The following CSMD1 variants were observed in gnomAD, a reference collection of about 807,000 sequenced individuals.
The protein encoded by CSMD1 is CUB and Sushi multiple domains 1, also known as CUB and sushi domain-containing protein 1.
A neutral mutation model predicts 417.5 loss-of-function variants in CSMD1; 213 were observed. The ratio of observed to expected loss-of-function variants is 0.51; its 90% CI spans 0.46 to 0.57. The LOEUF is 0.57. Among genes scored for constraint, CSMD1 ranks in the 20% least tolerant of loss-of-function variants. The pLI, the probability that CSMD1 is intolerant of heterozygous loss-of-function variation, is 0.00. For synonymous variants in CSMD1, 2,862 were observed against 1,736.8 expected (o/e 1.65, Z -16.11); for missense variants, 6,923 against 4,529.7 (o/e 1.53, Z -15.17).
chr8:4,724,095 C>A (rs935875311), intron 1 of CSMD1, among the ~76,000 whole-genome samples: 3 of 152,112 alleles, frequency 2.0e-5, no homozygotes, highest in Admixed American at 1.3e-4. Context: ...TTAAGTGAGC[C>A]ATTGCAATTT....
intron 37 of CSMD1, among the ~76,000 whole-genome samples, chr8:3,169,609 T>C (rs907295704): frequency 6.6e-6 from 1 of 152,216 alleles, no homozygotes; most frequent in African/African-American, 2.4e-5. Flanking sequence ...GTGCATATAC[T>C]TAATACCACT....
At chr8:3,204,116 G>A (rs1485846265) in intron 31 of CSMD1, among the ~76,000 whole-genome samples, 1 of 152,178 alleles carries the variant, frequency 6.6e-6, no homozygotes. Flanking sequence ...AAGATTCGCT[G>A]TAACTACGTT....
At chr8:4,813,756 T>C (rs1234194208) in intron 1 of CSMD1, among the ~76,000 whole-genome samples, 1 of 152,154 alleles carries the variant, frequency 6.6e-6, no homozygotes, top group Non-Finnish European at 1.5e-5. Flanking sequence ...TTTAAGAAAA[T>C]GCATTTTGGA....
chr8:2,959,111 T>C (rs1456311496), intron 62 of CSMD1, among the ~76,000 whole-genome samples: 3 of 152,186 alleles, frequency 2.0e-5, no homozygotes, highest in African/African-American at 7.2e-5. Context: ...GACTGATCGA[T>C]TTAAACTTTA....
intron 6 of CSMD1, among the ~76,000 whole-genome samples, chr8:3,710,506 A>G (rs954156447): frequency 6.6e-6 from 1 of 152,174 alleles, no homozygotes; most frequent in Non-Finnish European, 1.5e-5. Flanking sequence ...AATCACTGAC[A>G]TTCAGAGGGC....
At chr8:4,441,097 T>TTTTTTTTTTTTTTTTTTTG (rs1798447606) in intron 2 of CSMD1, among the ~76,000 whole-genome samples, 1 of 91,746 alleles carries the variant, frequency 1.1e-5, no homozygotes, top group Non-Finnish European at 2.2e-5. Context: ...ATCAAAAGGT[T>TTTTTTTTTTTTTTTTTTTG]TTTTTTTTTT....
At chr8:3,485,469 C>G (rs77415088) in intron 11 of CSMD1, among the ~76,000 whole-genome samples, 3,248 of 151,056 alleles carry the variant, frequency 0.022, 230 homozygotes, top group East Asian at 0.17. Flanking sequence ...CCTGTCTTGA[C>G]TGTGGCGGAT....
intron 5 of CSMD1, among the ~76,000 whole-genome samples, chr8:3,888,319 C>CAAG (rs1372935253): frequency 1.1e-4 from 17 of 152,270 alleles, no homozygotes; most frequent in African/African-American, 3.8e-4. Context: ...TCAAGGCAAG[C>CAAG]ATTTGTATCC....
At chr8:3,889,980 C>T (rs553010290) in intron 5 of CSMD1, among the ~76,000 whole-genome samples, 50 of 152,042 alleles carry the variant, frequency 3.3e-4, no homozygotes, top group Admixed American at 8.5e-4. Flanking sequence ...CCCAGGAGCT[C>T]GAGACAACCC....
chr8:4,331,623 T>C (rs972969750), intron 3 of CSMD1, among the ~76,000 whole-genome samples: 3 of 152,080 alleles, frequency 2.0e-5, no homozygotes, highest in Non-Finnish European at 2.9e-5. Flanking sequence ...CTTTCTTCTG[T>C]CATGAAAGCC....
chr8:3,848,725 G>T (rs1169498875), intron 5 of CSMD1, among the ~76,000 whole-genome samples: 2 of 152,096 alleles, frequency 1.3e-5, no homozygotes, highest in Admixed American at 1.3e-4. Context: ...AAATGCAATG[G>T]TCTTTTAGGT....
chr8:3,542,371 TTTTA>T (rs1442201135), intron 10 of CSMD1, among the ~76,000 whole-genome samples: 1 of 152,246 alleles, frequency 6.6e-6, no homozygotes, highest in Non-Finnish European at 1.5e-5. Context: ...TAATTAGTTA[TTTTA>T]TTTTACAAAT....
chr8:3,243,402 G>C (rs1421338834), intron 26 of CSMD1, among the ~76,000 whole-genome samples: 1 of 151,682 alleles, frequency 6.6e-6, no homozygotes, highest in Non-Finnish European at 1.5e-5. Flanking sequence ...GTGCAGGTGG[G>C]CTGAGTCCGA....
intron 9 of CSMD1, among the ~76,000 whole-genome samples, chr8:3,585,020 G>T (rs1584923448): frequency 6.6e-6 from 1 of 152,140 alleles, no homozygotes; most frequent in African/African-American, 2.4e-5. Context: ...TCTCCTGAAG[G>T]GTCTCCATTT....
At chr8:4,788,645 G>A (rs773638885) in intron 1 of CSMD1, 2 of 700,724 alleles carry the variant, frequency 2.9e-6, no homozygotes, top group South Asian at 2.4e-5. Flanking sequence ...TTTAGCTGAA[G>A]GAAAATCAAG....
intron 2 of CSMD1, among the ~76,000 whole-genome samples, chr8:4,537,811 C>G (rs1797175258): frequency 6.6e-6 from 1 of 152,160 alleles, no homozygotes; most frequent in African/African-American, 2.4e-5. Context: ...CCGTGTTTAT[C>G]CAACAGAGCT....
rs1434318418 is a variant in CSMD1, at chr8:4,414,565, A to G, written c.415+5388T>C. Among the ~76,000 whole-genome samples, 5 of 152,340 alleles carry G rather than the reference A, an allele frequency of 3.3e-5. No individual in the cohort carries two copies. The East Asian group carries it at 9.6e-4, about 29-fold the overall frequency. On this transcript the variant is annotated intron_variant, in intron 3 of 69. Transcript: ENST00000635120. ...TAAACTACGATCCATACTATAGATC[A>G]TATAATCTCTTTATCTTTAAATCAA...
Position 3,395,467 on chromosome 8 carries a change from A to C in CSMD1, c.2593+727T>G, listed in dbSNP as rs1298320919. On this transcript the variant is annotated intron_variant, in intron 17 of 69. Coordinates refer to ENST00000635120, the MANE Select transcript of CSMD1 (RefSeq NM_033225.6). ...AGATTTCAGAAGTATATTTGCATAA[A>C]TATTATTATAAAATAATACAATTAC... Among the ~76,000 whole-genome samples, 4 of 152,328 alleles carry C rather than the reference A, an allele frequency of 2.6e-5. No individual in the cohort carries two copies. In the East Asian group the frequency reaches 7.7e-4, roughly 29 times the overall value.
intron 26 of CSMD1, among the ~76,000 whole-genome samples, chr8:3,251,382 G>C (rs1330921512): frequency 6.6e-6 from 1 of 152,048 alleles, no homozygotes; most frequent in Non-Finnish European, 1.5e-5. Context: ...GTAGATATGT[G>C]GCATTATTTC....
Sources: allele counts gnomAD v4.1 joint callset (sites outside exome capture counted in the v4.1 genomes callset), GRCh38; gene constraint gnomAD v4.1.1; transcripts MANE v1.5; gene names NCBI Gene and HGNC (gene_info 2026-07-23, HGNC 2026-07-21).